MYO1E: variants seen among roughly 807,000 people sequenced by gnomAD.
MYO1E encodes myosin IE.
Under a neutral mutation model 151.1 loss-of-function variants are expected in MYO1E, and 68 were observed. That is an observed-to-expected ratio of 0.45 (90% confidence interval 0.37 to 0.55). The LOEUF (loss-of-function observed/expected upper bound fraction) is 0.55. Ranked by LOEUF, MYO1E falls within the 20% of genes least tolerant of loss-of-function variation. The pLI is 0.00. For synonymous variants in MYO1E, 601 were observed against 501.7 expected (o/e 1.20, Z -2.64); for missense variants, 1,363 against 1,389.3 (o/e 0.98, Z 0.30).
intron 1 of MYO1E, among the ~76,000 whole-genome samples, chr15:59,311,174 C>G (rs558423011): frequency 6.6e-6 from 1 of 152,250 alleles, no homozygotes; most frequent in African/African-American, 2.4e-5. Context: ...TACTCTAGAA[C>G]AGCAGTCTCC....
chr15:59,165,081 T>C (rs1355690439), intron 22 of MYO1E, among the ~76,000 whole-genome samples: 1 of 152,198 alleles, frequency 6.6e-6, no homozygotes, highest in Non-Finnish European at 1.5e-5. Context: ...CACCTTGACC[T>C]TGGACTTCCC....
At chr15:59,345,044 A>T (rs1331748662) in intron 1 of MYO1E, among the ~76,000 whole-genome samples, 3 of 152,236 alleles carry the variant, frequency 2.0e-5, no homozygotes, top group Non-Finnish European at 2.9e-5. Flanking sequence ...CTAACTTTTT[A>T]TGAAGAAAAA....
chr15:59,370,843 A>AT (rs2080940330), intron 1 of MYO1E, among the ~76,000 whole-genome samples: 5 of 152,152 alleles, frequency 3.3e-5, no homozygotes, highest in Admixed American at 2.6e-4. Context: ...AAACACATTG[A>AT]TTTTTTTAAG....
chr15:59,233,375 T>C (rs2080040020), intron 5 of MYO1E, among the ~76,000 whole-genome samples: 1 of 151,536 alleles, frequency 6.6e-6, no homozygotes, highest in Non-Finnish European at 1.5e-5. Context: ...GGTAAAAGAG[T>C]AGCCCATCGG....
intron 2 of MYO1E, among the ~76,000 whole-genome samples, chr15:59,262,529 G>A (rs542292910): frequency 6.6e-6 from 1 of 152,284 alleles, no homozygotes; most frequent in Admixed American, 6.5e-5. Flanking sequence ...TGGGCAGGCT[G>A]AGGCGGGAGG....
At chr15:59,161,712 C>G (rs1404298423) in intron 23 of MYO1E, among the ~76,000 whole-genome samples, 1 of 152,208 alleles carries the variant, frequency 6.6e-6, no homozygotes. Flanking sequence ...TGCACCATCA[C>G]AGCCCACCCA....
At chr15:59,150,817 G>A (rs1362689278) in intron 26 of MYO1E, among the ~76,000 whole-genome samples, 2 of 152,100 alleles carry the variant, frequency 1.3e-5, no homozygotes, top group Non-Finnish European at 1.5e-5. Context: ...CAAATTCTTA[G>A]GCCCTACCCC....
chr15:59,362,823 T>C (rs1182935193), intron 1 of MYO1E, among the ~76,000 whole-genome samples: 1 of 152,236 alleles, frequency 6.6e-6, no homozygotes, highest in Admixed American at 6.5e-5. Context: ...GAAGAAATTA[T>C]TAGGAGACTA....
intron 4 of MYO1E, among the ~76,000 whole-genome samples, chr15:59,246,846 C>G (rs369630583): frequency 6.6e-6 from 1 of 152,150 alleles, no homozygotes; most frequent in African/African-American, 2.4e-5. Context: ...GAAATCAAAG[C>G]TAATGTGTCA....
intron 17 of MYO1E, among the ~76,000 whole-genome samples, chr15:59,192,804 T>G (rs2140328547): frequency 6.6e-6 from 1 of 152,274 alleles, no homozygotes; most frequent in African/African-American, 2.4e-5. Flanking sequence ...ATTGGGATAT[T>G]GATTTAATAT....
At position 59,224,830 on chromosome 15, in the gene MYO1E, C is replaced by T; in HGVS notation, c.643-7G>A. Reference sequence around the variant, plus strand: ...CAGAGGCGCCCTCGATGAGCTGGAGCAAGAGAACACAGGTTGAGCCATGAT... The same window carrying T: ...CAGAGGCGCCCTCGATGAGCTGGAGTAAGAGAACACAGGTTGAGCCATGAT... On this transcript the variant is annotated splice_region_variant and splice_polypyrimidine_tract_variant and intron_variant, in intron 7 of 27. Transcript: ENST00000288235. 2 of 1,614,170 alleles carry T rather than the reference C, an allele frequency of 1.2e-6. No individual in the cohort carries two copies. Among genetic ancestry groups the T allele is most frequent in the Non-Finnish European group, 1.7e-6 (2 of 1,180,028 alleles).
chr15:59,286,351 C>A (rs1354838527), intron 1 of MYO1E, among the ~76,000 whole-genome samples: 2 of 152,124 alleles, frequency 1.3e-5, no homozygotes, highest in Non-Finnish European at 2.9e-5. Flanking sequence ...CCCTATTTTT[C>A]TGAAAAATGT....
intron 1 of MYO1E, among the ~76,000 whole-genome samples, chr15:59,321,741 A>G (rs1596416338): frequency 6.6e-6 from 1 of 152,288 alleles, no homozygotes; most frequent in South Asian, 2.1e-4. Context: ...TATCTACAAA[A>G]AATACAAAAA....
chr15:59,153,214 G>A (rs2079491692), intron 26 of MYO1E, among the ~76,000 whole-genome samples: 1 of 152,176 alleles, frequency 6.6e-6, no homozygotes, highest in South Asian at 2.1e-4. Context: ...TGTTGCTGAA[G>A]ACTCTTAAAG....
chr15:59,305,768 T>C (rs553846656), intron 1 of MYO1E, among the ~76,000 whole-genome samples: 55 of 152,250 alleles, frequency 3.6e-4, no homozygotes, highest in African/African-American at 1.3e-3. Flanking sequence ...TTACCCAGAA[T>C]AAAAAATTCA....
intron 1 of MYO1E, among the ~76,000 whole-genome samples, chr15:59,316,902 T>C (rs1397010140): frequency 6.6e-6 from 1 of 152,246 alleles, no homozygotes; most frequent in Non-Finnish European, 1.5e-5. Context: ...ATTAGTAAGA[T>C]ACCACTCCTA....
chr15:59,205,177 C>T lies in MYO1E; in HGVS notation c.1616+223G>A, dbSNP rs3764192. On this transcript the variant is annotated intron_variant, in intron 15 of 27. Transcript: ENST00000288235. ...TTTGTTTTTTTCTTTATTAGAGACA[C>T]AGTGTTCCTATGTTGCCTGGCTGGA... Among the ~76,000 whole-genome samples, 59,665 of 151,994 alleles carry T rather than the reference C, an allele frequency of 0.39. 12,194 individuals carry two copies. The highest frequency in any genetic ancestry group is 0.62 in the East Asian group (3,197 of 5,160).
intron 26 of MYO1E, among the ~76,000 whole-genome samples, chr15:59,147,602 A>AAAAAAAC (rs1464889662): frequency 6.6e-6 from 1 of 150,918 alleles, no homozygotes; most frequent in Non-Finnish European, 1.5e-5. Context: ...GTCTCAAAAA[A>AAAAAAAC]AAAAAAAAAA....
chr15:59,147,651 G>A (rs114158216), intron 26 of MYO1E, among the ~76,000 whole-genome samples: 4,095 of 150,782 alleles, frequency 0.027, 115 homozygotes, highest in African/African-American at 0.062. Context: ...ACTGTGGAAC[G>A]GTGCAGAGCC....
Sources: allele counts gnomAD v4.1 joint callset (sites outside exome capture counted in the v4.1 genomes callset), GRCh38; gene constraint gnomAD v4.1.1; transcripts MANE v1.5; gene names NCBI Gene and HGNC (gene_info 2026-07-23, HGNC 2026-07-21).